The following SORCS1 variants were observed in gnomAD, a reference collection of about 807,000 sequenced individuals.
The protein encoded by SORCS1 is sortilin related VPS10 domain containing receptor 1.
SORCS1 carries 60 observed loss-of-function variants against 146.1 expected under a neutral mutation model. The observed-to-expected ratio is 0.41, with a 90% CI of 0.33 to 0.51. The LOEUF (loss-of-function observed/expected upper bound fraction) is 0.51. Among genes scored for constraint, SORCS1 ranks in the 20% least tolerant of loss-of-function variants. The pLI is 0.21. For missense variants in SORCS1, 1,352 were observed against 1,487.6 expected (o/e 0.91, Z 1.50); for synonymous variants, 637 against 584.0 (o/e 1.09, Z -1.31).
At chr10:106,833,274 T>G (rs1564711924) in intron 2 of SORCS1, among the ~76,000 whole-genome samples, 3 of 152,316 alleles carry the variant, frequency 2.0e-5, no homozygotes, top group Admixed American at 2.0e-4. Flanking sequence ...AATTCTCCAC[T>G]AGAGCAGAAT....
intron 23 of SORCS1, among the ~76,000 whole-genome samples, chr10:106,606,820 T>C (rs998354762): frequency 2.0e-5 from 3 of 152,170 alleles, no homozygotes; most frequent in African/African-American, 7.2e-5. Context: ...CTGATGGTTT[T>C]ATATGGGGCT....
At chr10:106,671,120 A>G in intron 16 of SORCS1, 117 bp downstream of exon 16, 3 of 1,374,082 alleles carry the variant, frequency 2.2e-6, no homozygotes, top group Non-Finnish European at 3.0e-6. Flanking sequence ...TTATAAGAAT[A>G]TGAAGCTGGC....
At chr10:107,078,953 C>T (rs148193619) in intron 1 of SORCS1, among the ~76,000 whole-genome samples, 327 of 152,154 alleles carry the variant, frequency 2.1e-3, no homozygotes, top group African/African-American at 5.9e-3. Flanking sequence ...CGGCTGGGCA[C>T]GGTGGCTCAG....
chr10:106,757,434 T>C (rs2136222856), intron 5 of SORCS1, among the ~76,000 whole-genome samples: 1 of 152,326 alleles, frequency 6.6e-6, no homozygotes, highest in South Asian at 2.1e-4. Context: ...GATAGCCCCA[T>C]AGTTCCTACA....
chr10:106,844,649 T>C (rs1397135354), intron 2 of SORCS1, among the ~76,000 whole-genome samples: 1 of 150,702 alleles, frequency 6.6e-6, no homozygotes, highest in African/African-American at 2.4e-5. Flanking sequence ...GTTACATATG[T>C]ATACATGTGC....
intron 22 of SORCS1, among the ~76,000 whole-genome samples, chr10:106,609,948 G>A (rs1389300816): frequency 6.6e-6 from 1 of 152,194 alleles, no homozygotes; most frequent in African/African-American, 2.4e-5. Flanking sequence ...AGAAGAGATG[G>A]ACAGTGGGTT....
chr10:106,791,010 C>A (rs564091676), intron 3 of SORCS1, among the ~76,000 whole-genome samples: 2 of 152,186 alleles, frequency 1.3e-5, no homozygotes, highest in Non-Finnish European at 2.9e-5. Context: ...TTGTCACTGA[C>A]ACTTTGATAT....
At chr10:106,908,824 C>T (rs972510978) in intron 2 of SORCS1, among the ~76,000 whole-genome samples, 7 of 152,194 alleles carry the variant, frequency 4.6e-5, no homozygotes, top group African/African-American at 7.2e-5. Context: ...ACTTCAAGAA[C>T]GAATCCAATC....
rs192270925 is a variant in SORCS1 at position 107,005,370 on chromosome 10, C to G, written c.559-48790G>C. ...GGATGGGGGTGGAGAAAAAGCTGAA[C>G]ACTATGTAAACTTTAAAAACTAGAG... is the stretch of plus-strand genomic sequence containing the variant. On this transcript the variant is annotated intron_variant, in intron 1 of 25. Transcript: ENST00000263054. Among the ~76,000 whole-genome samples, 26 of 152,030 alleles carry G rather than the reference C, an allele frequency of 1.7e-4. No homozygotes were observed. In the East Asian group the frequency reaches 4.8e-3, roughly 28 times the overall value.
chr10:106,849,862 G>A (rs1949472112), intron 2 of SORCS1, among the ~76,000 whole-genome samples: 1 of 152,116 alleles, frequency 6.6e-6, no homozygotes, highest in Admixed American at 6.5e-5. Context: ...GTGTCAGTGT[G>A]CCCCTGCTGG....
chr10:106,767,440 T>C (rs1859658590), intron 4 of SORCS1, among the ~76,000 whole-genome samples: 3 of 152,220 alleles, frequency 2.0e-5, no homozygotes, highest in South Asian at 4.2e-4. Context: ...TGGAGGTATA[T>C]AGGAAAATGA....
At chr10:106,612,728 A>G (rs1327966108) in intron 21 of SORCS1, among the ~76,000 whole-genome samples, 2 of 152,130 alleles carry the variant, frequency 1.3e-5, no homozygotes, top group African/African-American at 4.8e-5. Flanking sequence ...AAGAGCCCGT[A>G]GCCCCTTATT....
intron 1 of SORCS1, among the ~76,000 whole-genome samples, chr10:106,981,388 G>GT (rs1446769043): frequency 6.6e-6 from 1 of 152,092 alleles, no homozygotes; most frequent in Non-Finnish European, 1.5e-5. Context: ...CTTTTTTGAG[G>GT]TTAAAAACTT....
chr10:106,835,250 C>T (rs1414597940), intron 2 of SORCS1, among the ~76,000 whole-genome samples: 1 of 152,064 alleles, frequency 6.6e-6, no homozygotes, highest in Non-Finnish European at 1.5e-5. Flanking sequence ...ACTGGATTTC[C>T]TTCACTATAA....
chr10:107,151,773 G>A (rs1460603198), intron 1 of SORCS1, among the ~76,000 whole-genome samples: 2 of 152,218 alleles, frequency 1.3e-5, no homozygotes, highest in Admixed American at 1.3e-4. Flanking sequence ...TTGAACTTGA[G>A]TTAAATGATT....
At chr10:107,094,857 T>C (rs1215151608) in intron 1 of SORCS1, among the ~76,000 whole-genome samples, 4 of 152,202 alleles carry the variant, frequency 2.6e-5, no homozygotes, top group Non-Finnish European at 5.9e-5. Context: ...AGCCAGCCCC[T>C]TCACTCTTTG....
At chr10:106,936,521 C>G (rs1388109108) in intron 2 of SORCS1, among the ~76,000 whole-genome samples, 1 of 152,204 alleles carries the variant, frequency 6.6e-6, no homozygotes, top group Non-Finnish European at 1.5e-5. Context: ...GGAGGGAACT[C>G]ACATTTAATG....
intron 9 of SORCS1, among the ~76,000 whole-genome samples, chr10:106,693,975 G>A (rs821961): frequency 0.8 from 121,956 of 151,962 alleles, 51,410 homozygotes; most frequent in Non-Finnish European, 0.94. Context: ...AATCCTAAGT[G>A]CCAAAATTTC....
chr10:106,638,307 A>C (rs1848849200), intron 18 of SORCS1, among the ~76,000 whole-genome samples: 1 of 152,334 alleles, frequency 6.6e-6, no homozygotes, highest in African/African-American at 2.4e-5. Flanking sequence ...AATGGTAGGA[A>C]GTTTCCTTTA....
Sources: gnomAD v4.1 joint callset for allele counts (sites outside exome capture counted in the v4.1 genomes callset) on GRCh38, gnomAD v4.1.1 for gene constraint, MANE v1.5 for transcripts, NCBI Gene and HGNC (gene_info 2026-07-23, HGNC 2026-07-21) for gene names.